The following ZNF558 variants were observed in gnomAD, a reference collection of about 807,000 sequenced individuals.
ZNF558 encodes the protein zinc finger protein 558.
A neutral mutation model predicts 37.6 loss-of-function variants in ZNF558; 23 were observed. The observed-to-expected ratio is 0.61, with a 90% CI of 0.44 to 0.87. The LOEUF is 0.87. ZNF558 is among the 40% of genes least tolerant of loss of function. ZNF558 has a pLI of 0.00. For synonymous variants in ZNF558, 189 were observed against 174.4 expected, an observed-to-expected ratio of 1.08 and a Z score of -0.66; for missense variants, 429 against 483.7, an observed-to-expected ratio of 0.89 and a Z score of 1.06.
rs2043750144 is a variant in ZNF558, at chr19:8,810,174, T to C, written c.*1107A>G. ...AAAACAGAAAGCTCTCCAATATTGA[T>C]GATGTTCAATGGGGCATTCTCTCCA... On this transcript the variant is annotated 3_prime_UTR_variant, in exon 10 of 10. Transcript: ENST00000601372. 6.6e-6 allele frequency: 1 copy of C among 152,248 alleles called. No homozygotes were observed. Among genetic ancestry groups the C allele is most frequent in the African/African-American group, 2.4e-5 (1 of 41,472 alleles). 9.4% of individuals were successfully genotyped at this position (152,248 alleles called of 1,614,324 possible).
At chr19:8,823,242 C>T (rs188204807) in intron 4 of ZNF558, among the ~76,000 whole-genome samples, 11 of 152,150 alleles carry the variant, frequency 7.2e-5, no homozygotes, top group African/African-American at 2.4e-4. Context: ...CAGAAACTCC[C>T]CTCTCTCTGA....
At chr19:8,812,805 T>C (rs1166488160) in intron 8 of ZNF558, among the ~76,000 whole-genome samples, 162 bp from the exon 9 acceptor site, 1 of 152,176 alleles carries the variant, frequency 6.6e-6, no homozygotes, top group Non-Finnish European at 1.5e-5. Flanking sequence ...AAAAGGATTC[T>C]AGACAAATTG....
At chr19:8,823,545 A>G (rs1294550006) in intron 4 of ZNF558, among the ~76,000 whole-genome samples, 1 of 71,828 alleles carries the variant, frequency 1.4e-5, no homozygotes. Flanking sequence ...TGTTACCCCA[A>G]CTCCTGCCCT....
chr19:8,815,050 C>A (rs530639230), intron 7 of ZNF558, among the ~76,000 whole-genome samples: 1,874 of 43,018 alleles, frequency 0.044, 33 homozygotes, highest in African/African-American at 0.26. Context: ...TATAATATTC[C>A]AAATACCCTA....
Position 8,810,143 on chromosome 19 carries a change from T to C in ZNF558, c.*1138A>G, listed in dbSNP as rs1479936149. 1.3e-5 allele frequency: 2 copies of C among 152,134 alleles called. No individual in the cohort carries two copies. The highest frequency in any genetic ancestry group is 2.9e-5 in the Non-Finnish European group (2 of 68,020). 9.4% of individuals were successfully genotyped at this position (152,134 alleles called of 1,614,324 possible). On this transcript the variant is annotated 3_prime_UTR_variant, in exon 10 of 10. Coordinates refer to ENST00000601372, the MANE Select transcript of ZNF558 (RefSeq NM_144693.3). Reference sequence around the variant, plus strand: ...GAATGCTCACAAGTTTCCTAACAAATGTAGAAAAACAGAAAGCTCTCCAAT... The same window carrying C: ...GAATGCTCACAAGTTTCCTAACAAACGTAGAAAAACAGAAAGCTCTCCAAT...
chr19:8,815,588 C>G (rs557066548), intron 7 of ZNF558, among the ~76,000 whole-genome samples: 10 of 152,046 alleles, frequency 6.6e-5, no homozygotes, highest in South Asian at 2.1e-4. Context: ...CAAGACCAGC[C>G]TGGGAAACAT....
intron 7 of ZNF558, among the ~76,000 whole-genome samples, chr19:8,816,893 T>A (rs1010375143): frequency 1.3e-5 from 2 of 152,194 alleles, no homozygotes; most frequent in East Asian, 3.8e-4. Flanking sequence ...ACAAAATTAC[T>A]AAACAGAACA....
At chr19:8,833,182 C>T (rs2044404710), upstream of ZNF558, 1 of 152,242 alleles carries the variant, frequency 6.6e-6, no homozygotes, top group Admixed American at 6.5e-5. Flanking sequence ...GGGGTAGGGC[C>T]TTCCTTGGAT....
In ZNF558 at chr19:8,811,766, A is replaced by G; in HGVS notation, c.724T>C (p.Phe242Leu). ...GEKPYECNQCFHVFRTSCNLK... is the reference protein window; with the variant it reads ...GEKPYECNQCLHVFRTSCNLK... The stretch of plus-strand genomic sequence containing the variant: ...TTACAACTGGTGCGGAAAACGTGAA[A>G]ACACTGGTTACATTCATAGGGTTTT... The change falls in exon 10 of 10, where the codon TTT becomes CTT. Residue 242 changes from phenylalanine (F) to leucine (L), a missense_variant. Physicochemically the swap from Phe to Leu is conservative, Grantham distance 22. Transcript: ENST00000601372. 1 of 1,613,216 alleles carries G rather than the reference A, an allele frequency of 6.2e-7. No individual in the cohort carries two copies. Among genetic ancestry groups the G allele is most frequent in the Non-Finnish European group, 8.5e-7 (1 of 1,179,744 alleles).
chr19:8,837,566 A>C, the ZNF558 span, among the ~76,000 whole-genome samples: 1 of 152,124 alleles, frequency 6.6e-6, no homozygotes, highest in Admixed American at 6.5e-5. Flanking sequence ...GGGTGGCTAG[A>C]AACTTCTCTG....
At chr19:8,812,503 C>G in intron 9 of ZNF558, 58 bp downstream of exon 9, 1 of 1,242,744 alleles carries the variant, frequency 8.0e-7, no homozygotes, top group Non-Finnish European at 1.1e-6. Context: ...TGTGCCCTTT[C>G]TAAACTTAAG....
chr19:8,814,191 TCC>T (rs2043871090), intron 7 of ZNF558, among the ~76,000 whole-genome samples: 2 of 152,298 alleles, frequency 1.3e-5, no homozygotes, highest in Middle Eastern at 3.4e-3. Context: ...TGGACCTCTT[TCC>T]CCTGCTTTTT....
chr19:8,816,224 G>A (rs1450474813), intron 7 of ZNF558, among the ~76,000 whole-genome samples: 4 of 152,032 alleles, frequency 2.6e-5, no homozygotes, highest in Admixed American at 6.6e-5. Context: ...GCACCAGCAC[G>A]TCTGACTAAT....
At chr19:8,818,839 A>G (rs1432319468) in intron 7 of ZNF558, among the ~76,000 whole-genome samples, 1 of 152,156 alleles carries the variant, frequency 6.6e-6, no homozygotes, top group Admixed American at 6.5e-5. Flanking sequence ...AGATATACAG[A>G]CCAATGGAAC....
Position 8,812,006 on chromosome 19 carries a change from T to G in ZNF558, c.484A>C (p.Ser162Arg). 2 of 1,613,008 alleles carry G rather than the reference T, an allele frequency of 1.2e-6. No homozygotes were observed. The highest frequency in any genetic ancestry group is 1.7e-6 in the Non-Finnish European group (2 of 1,179,414). The change falls in exon 10 of 10, where the codon AGC becomes CGC. Residue 162 changes from serine (S) to arginine (R), a missense_variant. Physicochemically the swap from Ser to Arg is moderately radical, Grantham distance 110 (BLOSUM62 -1). Coordinates refer to ENST00000601372, the MANE Select transcript of ZNF558 (RefSeq NM_144693.3). Reference protein sequence around the residue: ...NECNQCFKVFSTKSNLTQHKR... With the variant: ...NECNQCFKVFRTKSNLTQHKR... ...TGCTGAGTTAGGTTAGATTTCGTGC[T>G]GAAGACTTTAAAACACTGATTACAT...
intron 9 of ZNF558, 81 bp from the exon 10 acceptor site, chr19:8,812,144 G>A: frequency 8.0e-7 from 1 of 1,251,164 alleles, no homozygotes; most frequent in African/African-American, 1.5e-5. Context: ...TTCTCTCCCA[G>A]GAATTCTGTT....
chr19:8,820,982 A>G (rs1651200604), intron 7 of ZNF558, among the ~76,000 whole-genome samples, 198 bp downstream of exon 7: 1 of 152,130 alleles, frequency 6.6e-6, no homozygotes, highest in Admixed American at 6.5e-5. Flanking sequence ...GGTGATGAAA[A>G]TATGGTGATA....
rs782392132 is a variant in ZNF558 at position 8,811,986 on chromosome 19, A to G, written c.504T>C (p.Thr168=). ...CTCCAGTATGAATTCTCTTGTGCTG[A>G]GTTAGGTTAGATTTCGTGCTGAAGA... is the stretch of plus-strand genomic sequence containing the variant. ...FKVFSTKSNL[T]QHKRIHTGEK... The change falls in exon 10 of 10, where the codon ACT becomes ACC. Residue 168 remains threonine (T), a synonymous_variant. Transcript: ENST00000601372. 6.2e-7 allele frequency: 1 copy of G among 1,613,808 alleles called. No individual in the cohort carries two copies. The highest frequency in any genetic ancestry group is 8.5e-7 in the Non-Finnish European group (1 of 1,179,898).
chr19:8,829,369 C>T (rs1396910815), intron 2 of ZNF558, among the ~76,000 whole-genome samples: 9 of 152,126 alleles, frequency 5.9e-5, no homozygotes, highest in African/African-American at 1.9e-4. Flanking sequence ...TTCTATCTAT[C>T]GTAGCAACCC....
Sources: allele counts gnomAD v4.1 joint callset (sites outside exome capture counted in the v4.1 genomes callset), GRCh38; gene constraint gnomAD v4.1.1; transcripts MANE v1.5; gene names NCBI Gene and HGNC (gene_info 2026-07-23, HGNC 2026-07-21).